ELOVL5: variants seen among roughly 807,000 people sequenced by gnomAD.
The protein encoded by ELOVL5 is ELOVL fatty acid elongase 5, also known as very long chain fatty acid elongase 5.
In ELOVL5, 8 loss-of-function variants were observed where a neutral mutation model predicts 38.6. The observed-to-expected ratio is 0.21, with a 90% CI of 0.12 to 0.37. The LOEUF (loss-of-function observed/expected upper bound fraction) is 0.37. Among genes scored for constraint, ELOVL5 ranks in the 10% least tolerant of loss-of-function variants. The pLI, the probability that ELOVL5 is intolerant of heterozygous loss-of-function variation, is 1.00. For synonymous variants in ELOVL5, 127 were observed against 133.7 expected, an observed-to-expected ratio of 0.95 and a Z score of 0.34; for missense variants, 280 against 367.8, an observed-to-expected ratio of 0.76 and a Z score of 1.95.
chr6:53,339,439 T>A (rs1006722053), intron 1 of ELOVL5, among the ~76,000 whole-genome samples: 1 of 152,238 alleles, frequency 6.6e-6, no homozygotes, highest in African/African-American at 2.4e-5. Flanking sequence ...CTGAACACCA[T>A]GGCCCAGCAC....
chr6:53,338,550 T>G (rs1189801668), intron 1 of ELOVL5, among the ~76,000 whole-genome samples: 1 of 152,202 alleles, frequency 6.6e-6, no homozygotes, highest in Non-Finnish European at 1.5e-5. Context: ...TGAAGCATCT[T>G]GTAGAGAAGA....
Position 53,307,477 on chromosome 6 carries a change from A to C in ELOVL5, c.-8-11770T>G, listed in dbSNP as rs145469820. On this transcript the variant is annotated intron_variant, in intron 1 of 7. Coordinates refer to ENST00000304434, the MANE Select transcript of ELOVL5 (RefSeq NM_021814.5). ...GTGTGTGGCACAGCAAGTACCGTAA[A>C]AATGTTTCTATTATTATCATCATTA... Among the ~76,000 whole-genome samples the C allele has an allele frequency of 3.9e-5, 6 of 152,360 alleles. No homozygotes were observed. In the East Asian group the frequency reaches 1.2e-3, roughly 29 times the overall value.
chr6:53,269,114 C>T lies in ELOVL5; in HGVS notation c.*13G>A, dbSNP rs774153330. The T allele has an allele frequency of 6.2e-7, 1 of 1,611,546 alleles. No individual in the cohort carries two copies. The highest frequency in any genetic ancestry group is 1.7e-5 in the Admixed American group (1 of 59,652). ...TCAGATGACGTGGTTTGGAGGGTTT[C>T]AATTCTTTGACTTCAATCCTTCCGC... On this transcript the variant is annotated 3_prime_UTR_variant, in exon 8 of 8. Transcript: ENST00000304434.
intron 3 of ELOVL5, among the ~76,000 whole-genome samples, chr6:53,284,455 T>C (rs1396296909): frequency 6.6e-6 from 1 of 152,180 alleles, no homozygotes; most frequent in Non-Finnish European, 1.5e-5. Flanking sequence ...TAAAAATGCA[T>C]GGTAAACATC....
At chr6:53,339,346 C>T (rs1769221548) in intron 1 of ELOVL5, among the ~76,000 whole-genome samples, 1 of 152,160 alleles carries the variant, frequency 6.6e-6, no homozygotes, top group African/African-American at 2.4e-5. Flanking sequence ...AACCTAGTGT[C>T]CCACACCCAG....
At chr6:53,281,624 C>T (rs769311752) in intron 3 of ELOVL5, among the ~76,000 whole-genome samples, 25 of 152,194 alleles carry the variant, frequency 1.6e-4, no homozygotes, top group Non-Finnish European at 3.4e-4. Flanking sequence ...TTTTCTTCCG[C>T]AGATGTTTGG....
intron 1 of ELOVL5, among the ~76,000 whole-genome samples, chr6:53,344,069 A>T (rs1769438951): frequency 6.6e-6 from 1 of 152,254 alleles, no homozygotes; most frequent in Admixed American, 6.5e-5. Flanking sequence ...CCCAGATGTG[A>T]AATGTGAAAA....
At chr6:53,324,311 A>C (rs1215085460) in intron 1 of ELOVL5, among the ~76,000 whole-genome samples, 4 of 151,876 alleles carry the variant, frequency 2.6e-5, no homozygotes, top group African/African-American at 4.8e-5. Context: ...ACAGATCTCT[A>C]TCTATGGATA....
intron 1 of ELOVL5, among the ~76,000 whole-genome samples, chr6:53,299,492 A>G (rs570309313): frequency 6.6e-6 from 1 of 152,342 alleles, no homozygotes; most frequent in East Asian, 1.9e-4. Flanking sequence ...ACCTATTACT[A>G]TAAGGACAAA....
At chr6:53,338,774 C>T (rs986353291) in intron 1 of ELOVL5, among the ~76,000 whole-genome samples, 3 of 152,222 alleles carry the variant, frequency 2.0e-5, no homozygotes, top group African/African-American at 7.2e-5. Flanking sequence ...TGGTTCTTAT[C>T]TGAGTGCAGT....
intron 2 of ELOVL5, chr6:53,294,523 C>A (rs562794023): frequency 1.2e-5 from 19 of 1,537,254 alleles, no homozygotes; most frequent in South Asian, 2.4e-5. Flanking sequence ...ATGACAAGAA[C>A]AAGGATCCTT....
At chr6:53,300,967 A>T (rs1008959133) in intron 1 of ELOVL5, among the ~76,000 whole-genome samples, 4 of 152,032 alleles carry the variant, frequency 2.6e-5, no homozygotes, top group Admixed American at 6.6e-5. Context: ...ATGCCACATG[A>T]ACAGTACAAA....
At chr6:53,326,472 C>T (rs554119920) in intron 1 of ELOVL5, among the ~76,000 whole-genome samples, 14 of 152,248 alleles carry the variant, frequency 9.2e-5, no homozygotes, top group African/African-American at 2.4e-4. Context: ...TCACTGCCCC[C>T]AACCCCACCC....
intron 1 of ELOVL5, among the ~76,000 whole-genome samples, chr6:53,312,353 C>A (rs932082774): frequency 6.6e-6 from 1 of 152,198 alleles, no homozygotes. Context: ...CACCACGGAA[C>A]GTTACTCAGC....
At chr6:53,284,737 A>G (rs1322553728) in intron 3 of ELOVL5, among the ~76,000 whole-genome samples, 1 of 152,200 alleles carries the variant, frequency 6.6e-6, no homozygotes, top group Non-Finnish European at 1.5e-5. Context: ...ACTATGTGTT[A>G]CTGTGTCACA....
chr6:53,269,315 C>T (rs1368453999), intron 7 of ELOVL5, 45 bp from the exon 8 acceptor site: 1 of 1,411,334 alleles, frequency 7.1e-7, no homozygotes, highest in Non-Finnish European at 9.6e-7. Flanking sequence ...CCACAGTTTT[C>T]TTTATAGGGA....
At chr6:53,319,173 A>G (rs1768181079) in intron 1 of ELOVL5, among the ~76,000 whole-genome samples, 1 of 150,410 alleles carries the variant, frequency 6.6e-6, no homozygotes, top group Non-Finnish European at 1.5e-5. Flanking sequence ...CGGGAGGCTG[A>G]GGCAGGAGAA....
intron 1 of ELOVL5, among the ~76,000 whole-genome samples, chr6:53,313,364 T>C (rs2127583534): frequency 7.2e-6 from 1 of 138,376 alleles, no homozygotes; most frequent in East Asian, 2.1e-4. Flanking sequence ...GAAAACTTAG[T>C]TTTATTTCAT....
At chr6:53,334,048 C>T (rs1768929645) in intron 1 of ELOVL5, among the ~76,000 whole-genome samples, 1 of 152,176 alleles carries the variant, frequency 6.6e-6, no homozygotes. Flanking sequence ...AGGAAATAGG[C>T]TATACTTTAA....
Sources: gnomAD v4.1 joint callset for allele counts (sites outside exome capture counted in the v4.1 genomes callset) on GRCh38, gnomAD v4.1.1 for gene constraint, MANE v1.5 for transcripts, NCBI Gene and HGNC (gene_info 2026-07-23, HGNC 2026-07-21) for gene names.